ULK4: variants seen among roughly 807,000 people sequenced by gnomAD.
ULK4 encodes the protein unc-51 like kinase 4, also known as inactive serine/threonine-protein kinase ULK4.
A neutral mutation model predicts 160.6 loss-of-function variants in ULK4; 133 were observed. That is an observed-to-expected ratio of 0.83 (90% CI 0.72 to 0.96). The LOEUF (loss-of-function observed/expected upper bound fraction) is 0.96, where lower values mean the gene tolerates loss of function less well. ULK4 is among the 40% of genes least tolerant of loss of function. The pLI is 0.00. For synonymous variants in ULK4, 534 were observed against 539.8 expected (o/e 0.99, Z 0.15); for missense variants, 1,580 against 1,499.5 (o/e 1.05, Z -0.89).
At chr3:41,908,618 G>C (rs1438958442) in intron 11 of ULK4, among the ~76,000 whole-genome samples, 1 of 151,532 alleles carries the variant, frequency 6.6e-6, no homozygotes, top group African/African-American at 2.4e-5. Flanking sequence ...GCTAATTTTT[G>C]TATTTTTAGT....
At chr3:41,694,324 A>G (rs931040936) in intron 27 of ULK4, among the ~76,000 whole-genome samples, 7 of 152,240 alleles carry the variant, frequency 4.6e-5, no homozygotes, top group African/African-American at 1.7e-4. Flanking sequence ...CCAGGGACAG[A>G]ACAATGTGTC....
Position 41,681,629 on chromosome 3 carries a change from G to A in ULK4, c.2857C>T (p.Arg953Trp), listed in dbSNP as rs371438428. Residue 953 changes from arginine (R) to tryptophan (W), a missense_variant, in exon 29 of 37, where the codon CGG (arginine) becomes TGG (tryptophan). Transcript: ENST00000301831. ...AGAGATGTGGTTTCTGAGAGCAACC[G>A]CAAGCTAAAGAGTCTCCACTCCACT... ...QNVEWRLFSLRLLSETTSLLV... is the reference protein window; with the variant it reads ...QNVEWRLFSLWLLSETTSLLV... 35 of 1,613,470 alleles carry A rather than the reference G, an allele frequency of 2.2e-5. No individual in the cohort carries two copies. Among genetic ancestry groups the A allele is most frequent in the African/African-American group, 5.4e-5 (4 of 74,710 alleles).
chr3:41,421,909 A>G (rs1303024243), intron 34 of ULK4, among the ~76,000 whole-genome samples: 1 of 152,182 alleles, frequency 6.6e-6, no homozygotes, highest in Non-Finnish European at 1.5e-5. Context: ...AAGATCTTGT[A>G]GATGCAAAAT....
At chr3:41,257,238 T>C in intron 35 of ULK4, among the ~76,000 whole-genome samples, 1 of 152,130 alleles carries the variant, frequency 6.6e-6, no homozygotes, top group East Asian at 1.9e-4. Flanking sequence ...ACAATAACAA[T>C]GTTGGTAGGG....
intron 13 of ULK4, among the ~76,000 whole-genome samples, chr3:41,900,438 A>C (rs1698311135): frequency 6.6e-6 from 1 of 152,124 alleles, no homozygotes; most frequent in Admixed American, 6.6e-5. Context: ...GAGGCTGGCA[A>C]CCCCTCCATG....
At chr3:41,445,637 TTAA>T (rs2083280774) in intron 34 of ULK4, among the ~76,000 whole-genome samples, 1 of 152,238 alleles carries the variant, frequency 6.6e-6, no homozygotes, top group Non-Finnish European at 1.5e-5. Flanking sequence ...GATCCCCTAT[TTAA>T]TAAATGGTGC....
At chr3:41,508,618 A>C (rs2125922088) in intron 32 of ULK4, among the ~76,000 whole-genome samples, 1 of 152,268 alleles carries the variant, frequency 6.6e-6, no homozygotes, top group South Asian at 2.1e-4. Flanking sequence ...TTCACAGCCG[A>C]AAGACATAAA....
chr3:41,398,206 A>G lies in ULK4; in HGVS notation c.3551T>C (p.Val1184Ala). The change falls in exon 35 of 37, where the codon GTT becomes GCT. Residue 1184 changes from valine to alanine, a missense_variant. Physicochemically the swap from Val to Ala is moderately conservative, Grantham distance 64. Coordinates refer to ENST00000301831, the MANE Select transcript of ULK4 (RefSeq NM_017886.4). ...DVSSKCLSIL[V>A]QLYGGENPDS... ...CGGGTTTTCCCCTCCATACAGCTGAACCAGTATAGACAGGCACTTGGATGA... is the reference window on the plus strand; with the variant it reads ...CGGGTTTTCCCCTCCATACAGCTGAGCCAGTATAGACAGGCACTTGGATGA... The G allele has an allele frequency of 6.2e-7, 1 of 1,612,876 alleles. No homozygotes were observed. Among genetic ancestry groups the G allele is most frequent in the Non-Finnish European group, 8.5e-7 (1 of 1,179,542 alleles).
intron 2 of ULK4, among the ~76,000 whole-genome samples, chr3:41,953,583 T>TA (rs1245853282): frequency 2.6e-5 from 4 of 151,910 alleles, no homozygotes; most frequent in Middle Eastern, 3.4e-3. Flanking sequence ...AATATATATA[T>TA]TTTTTAAGCT....
chr3:41,402,687 C>G (rs1014662763), intron 34 of ULK4, among the ~76,000 whole-genome samples: 2 of 152,080 alleles, frequency 1.3e-5, no homozygotes, highest in African/African-American at 2.4e-5. Flanking sequence ...TTAAACAAGC[C>G]TTGCACATCT....
intron 17 of ULK4, among the ~76,000 whole-genome samples, chr3:41,868,803 T>C (rs1388476482): frequency 2.6e-5 from 4 of 151,814 alleles, no homozygotes; most frequent in Non-Finnish European, 5.9e-5. Context: ...GCTAGGTCTT[T>C]TTTTTCCCCC....
chr3:41,468,175 A>G (rs2083881928), intron 32 of ULK4, among the ~76,000 whole-genome samples: 1 of 152,208 alleles, frequency 6.6e-6, no homozygotes, highest in Admixed American at 6.5e-5. Flanking sequence ...GGACATTCAA[A>G]GTGCCAACGT....
chr3:41,425,104 G>T (rs1479203772), intron 34 of ULK4, among the ~76,000 whole-genome samples: 2 of 152,058 alleles, frequency 1.3e-5, no homozygotes, highest in Non-Finnish European at 2.9e-5. Flanking sequence ...GAACATAAAT[G>T]AACAGACGGA....
At chr3:41,527,048 T>C (rs2086143690) in intron 32 of ULK4, among the ~76,000 whole-genome samples, 1 of 152,236 alleles carries the variant, frequency 6.6e-6, no homozygotes, top group Non-Finnish European at 1.5e-5. Flanking sequence ...TAAAGTGCTT[T>C]ACATACATTA....
intron 18 of ULK4, among the ~76,000 whole-genome samples, chr3:41,825,936 G>A (rs1188714197): frequency 2.6e-5 from 4 of 152,322 alleles, no homozygotes; most frequent in South Asian, 2.1e-4. Context: ...ACAAAGGGAA[G>A]CCCATCAGAC....
At chr3:41,368,010 C>T (rs1393797761) in intron 35 of ULK4, among the ~76,000 whole-genome samples, 1 of 151,766 alleles carries the variant, frequency 6.6e-6, no homozygotes, top group Non-Finnish European at 1.5e-5. Context: ...GTGTATATTC[C>T]AAGTTATCAA....
intron 33 of ULK4, among the ~76,000 whole-genome samples, chr3:41,459,549 T>G (rs749361534): frequency 2.6e-5 from 4 of 152,158 alleles, no homozygotes; most frequent in Non-Finnish European, 5.9e-5. Flanking sequence ...ATGGTTTAAC[T>G]AAAAGGATGA....
At chr3:41,814,851 T>G (rs1206028013) in intron 19 of ULK4, among the ~76,000 whole-genome samples, 2 of 152,060 alleles carry the variant, frequency 1.3e-5, no homozygotes, top group Admixed American at 6.6e-5. Flanking sequence ...TCTTTCAGTC[T>G]TTCTATAACT....
intron 30 of ULK4, among the ~76,000 whole-genome samples, chr3:41,658,486 T>A (rs77038283): frequency 0.019 from 2,930 of 152,322 alleles, 86 homozygotes; most frequent in African/African-American, 0.065. Context: ...ACACATATGA[T>A]CAATGTCCTA....
Sources: gnomAD v4.1 joint callset for allele counts (sites outside exome capture counted in the v4.1 genomes callset) on GRCh38, gnomAD v4.1.1 for gene constraint, MANE v1.5 for transcripts, NCBI Gene and HGNC (gene_info 2026-07-23, HGNC 2026-07-21) for gene names.